SNAPC4: variants seen among roughly 807,000 people sequenced by gnomAD.
SNAPC4 encodes the protein snRNA-activating protein complex subunit 4.
In SNAPC4, 127 loss-of-function variants were observed where a neutral mutation model predicts 151.3. That is an observed-to-expected ratio of 0.84 (90% CI 0.73 to 0.97). The LOEUF is 0.97. Among genes scored for constraint, SNAPC4 ranks in the 50% least tolerant of loss-of-function variants. The pLI, the probability that SNAPC4 is intolerant of heterozygous loss-of-function variation, is 0.00. For synonymous variants in SNAPC4, 1,002 were observed against 824.4 expected, an observed-to-expected ratio of 1.22 and a Z score of -3.69; for missense variants, 2,186 against 1,935.0, an observed-to-expected ratio of 1.13 and a Z score of -2.43.
intron 18 of SNAPC4, among the ~76,000 whole-genome samples, 182 bp from the exon 19 acceptor site, chr9:136,381,574 G>A (rs1833693951): frequency 6.6e-6 from 1 of 152,202 alleles, no homozygotes; most frequent in South Asian, 2.1e-4. Context: ...TGGGCCCTGT[G>A]AGCCCTGTCA....
intron 2 of SNAPC4, 144 bp from the exon 3 acceptor site, chr9:136,397,167 C>T: frequency 1.3e-6 from 1 of 750,652 alleles, no homozygotes; most frequent in South Asian, 1.5e-5. Flanking sequence ...AGCGGACCTT[C>T]CCTCCCTGAC....
Position 136,379,209 on chromosome 9 carries a change from C to T in SNAPC4, c.2618G>A (p.Arg873His), listed in dbSNP as rs200250930. 32 of 1,610,540 alleles carry T rather than the reference C, an allele frequency of 2.0e-5. No homozygotes were observed. The highest frequency in any genetic ancestry group is 2.2e-5 in the East Asian group (1 of 44,818). The change falls in exon 22 of 24, where the codon CGC becomes CAC. Residue 873 changes from arginine to histidine, a missense_variant. By Grantham distance (29) the Arg-to-His change is conservative. Coordinates refer to ENST00000684778, the MANE Select transcript of SNAPC4 (RefSeq NM_003086.4). ...CAGCAGGGACGCCTGGGGTAGGGTG[C>T]GCTCCACCCGGCTGGACGCCAGTCT... ...SRRLASSRVE[R>H]TLPQASLLAS...
At chr9:136,381,803 C>G in intron 18 of SNAPC4, 21 bp downstream of exon 18, 2 of 1,604,594 alleles carry the variant, frequency 1.2e-6, no homozygotes, top group Non-Finnish European at 1.7e-6. Context: ...AGGATGCTCC[C>G]AGAGGAGCCC....
At chr9:136,382,833 C>T (rs1367108478) in intron 16 of SNAPC4, among the ~76,000 whole-genome samples, 1 of 152,170 alleles carries the variant, frequency 6.6e-6, no homozygotes, top group Non-Finnish European at 1.5e-5. Context: ...GGTGGACAGG[C>T]CCTTCCCAGG....
chr9:136,383,688 A>C lies in SNAPC4; in HGVS notation c.1501-20T>G. On this transcript the variant is annotated intron_variant, in intron 15 of 23. Coordinates refer to ENST00000684778, the MANE Select transcript of SNAPC4 (RefSeq NM_003086.4). This position sits in a 1 kb window ranked among gnomAD's most constrained non-coding sequence, Gnocchi z 4.2. ...CTTCTTCTGAGGGGAGGAAAGAGCT[A>C]CTTAGAGGCCTTGGCAAGCCCGGTT... 6.3e-7 allele frequency: 1 copy of C among 1,582,818 alleles called. No homozygotes were observed.
At chr9:136,388,682 A>G in intron 10 of SNAPC4, 91 bp from the exon 11 acceptor site, 2 of 1,509,804 alleles carry the variant, frequency 1.3e-6, no homozygotes, top group Non-Finnish European at 9.1e-7. Context: ...AGGTGGGCCC[A>G]TGAGCCACTG....
Position 136,388,598 on chromosome 9 carries a change from A to G in SNAPC4, c.976-7T>C, listed in dbSNP as rs1452392087. ...GGAAGGCGCTGCGGCTGGTCTTCCCAGGCCCAAACAAAAGCAAATGAGTGT... is the reference window on the plus strand; with the variant it reads ...GGAAGGCGCTGCGGCTGGTCTTCCCGGGCCCAAACAAAAGCAAATGAGTGT... On this transcript the variant is annotated splice_polypyrimidine_tract_variant and splice_region_variant and intron_variant, in intron 10 of 23. Coordinates refer to ENST00000684778, the MANE Select transcript of SNAPC4 (RefSeq NM_003086.4). The G allele has an allele frequency of 4.3e-6, 7 of 1,613,858 alleles. No individual in the cohort carries two copies. The highest frequency in any genetic ancestry group is 5.9e-6 in the Non-Finnish European group (7 of 1,179,988).
intron 22 of SNAPC4, 93 bp downstream of exon 22, chr9:136,377,450 T>C (rs1833489576): frequency 1.4e-6 from 2 of 1,422,250 alleles, no homozygotes; most frequent in Admixed American, 2.6e-5. Flanking sequence ...GCCCGCAACT[T>C]CCACCAGCCC....
chr9:136,377,153 C>T (rs1833476528), intron 22 of SNAPC4, among the ~76,000 whole-genome samples: 1 of 152,218 alleles, frequency 6.6e-6, no homozygotes, highest in South Asian at 2.1e-4. Context: ...GAGACAAACA[C>T]AGCCACCACC....
chr9:136,381,818 C>A lies in SNAPC4; in HGVS notation c.2317+6G>T. ...AGGATGCTCCCAGAGGAGCCCCAGGCCATACCTTGAGTCTGCACTACGGCG... is the reference window on the plus strand; with the variant it reads ...AGGATGCTCCCAGAGGAGCCCCAGGACATACCTTGAGTCTGCACTACGGCG... On this transcript the variant is annotated splice_donor_region_variant and intron_variant, in intron 18 of 23. Transcript: ENST00000684778. 1.2e-6 allele frequency: 2 copies of A among 1,610,066 alleles called. No individual in the cohort carries two copies. The highest frequency in any genetic ancestry group is 1.3e-5 in the African/African-American group (1 of 75,022).
intron 10 of SNAPC4, among the ~76,000 whole-genome samples, chr9:136,389,361 G>A (rs1157646529): frequency 6.6e-6 from 1 of 152,012 alleles, no homozygotes; most frequent in Non-Finnish European, 1.5e-5. Flanking sequence ...GGGGCTGGAC[G>A]TGCTGTGAGG....
Position 136,378,562 on chromosome 9 carries a change from GA to G in SNAPC4, c.3264del (p.Pro1089LeufsTer6), listed in dbSNP as rs1564377407. 1 of 1,591,680 alleles carries G rather than the reference GA, an allele frequency of 6.3e-7. No individual in the cohort carries two copies. The highest frequency in any genetic ancestry group is 8.5e-7 in the Non-Finnish European group (1 of 1,172,832). ...GGAAGGCTCACCACAGCTGGTACAG[GA>G]ACAGGGAGAAGCCCCTGGGCTGTGA... ...WVLTAQGLLP[V>X]PVPAVVSLPR... On this transcript the variant is annotated frameshift_variant, in exon 22 of 24. Transcript: ENST00000684778. LOFTEE classifies it high-confidence loss of function.
rs1020903960 is a variant in SNAPC4, at chr9:136,383,632, G to A, written c.1537C>T (p.Arg513Cys). ...GTAGAGCTCCACCGGACGCTGTGACGGGCCCTCCGCCGCCGCCTCCGGAGA... is the reference window on the plus strand; with the variant it reads ...GTAGAGCTCCACCGGACGCTGTGACAGGCCCTCCGCCGCCGCCTCCGGAGA... ...QGLRRRRRRA[R>C]HSVRWSSTSS... The change falls in exon 16 of 24, where the codon CGT becomes TGT. Residue 513 changes from arginine (R) to cysteine (C), a missense_variant. Arg to Cys is a radical substitution (Grantham distance 180, BLOSUM62 -3). Transcript: ENST00000684778. The surrounding 1 kb of genome is among the most constrained non-coding windows in gnomAD (Gnocchi z 4.2). The A allele has an allele frequency of 1.4e-5, 23 of 1,610,300 alleles. No individual in the cohort carries two copies. The highest frequency in any genetic ancestry group is 1.6e-4 in the Middle Eastern group (1 of 6,070).
chr9:136,395,691 C>A lies in SNAPC4; in HGVS notation c.257G>T (p.Cys86Phe). The A allele has an allele frequency of 2.5e-6, 4 of 1,613,460 alleles. No individual in the cohort carries two copies. The highest frequency in any genetic ancestry group is 3.4e-6 in the Non-Finnish European group (4 of 1,179,984). Residue 86 changes from cysteine to phenylalanine, a missense_variant, in exon 4 of 24, where the codon TGC (cysteine) becomes TTC (phenylalanine). Transcript: ENST00000684778. ...DKTLPEDPETCLQLNMVYQEV... is the reference protein window; with the variant it reads ...DKTLPEDPETFLQLNMVYQEV... The stretch of plus-strand genomic sequence containing the variant: ...CTGGTAGACCATGTTCAGCTGCAGG[C>A]AGGTTTCTGGGTCTTCAGGGAGGGT...
Position 136,379,040 on chromosome 9 carries a change from G to A in SNAPC4, c.2787C>T (p.Leu929=), listed in dbSNP as rs1328782868. ...SQLLVSSSVI[L]QPPLPHTPHG... ...GTGGGGTGTGTGGTAGAGGGGGCTG[G>A]AGGATCACAGACGAGGAGACCAGCA... Residue 929 remains leucine (L), a synonymous_variant, in exon 22 of 24, where the codon CTC becomes CTT. Transcript: ENST00000684778. 1.9e-6 allele frequency: 3 copies of A among 1,595,878 alleles called. No individual in the cohort carries two copies. Among genetic ancestry groups the A allele is most frequent in the South Asian group, 2.3e-5 (2 of 88,386 alleles).
chr9:136,379,548 G>C (rs549181942), intron 21 of SNAPC4, among the ~76,000 whole-genome samples: 1 of 152,220 alleles, frequency 6.6e-6, no homozygotes, highest in Non-Finnish European at 1.5e-5. Context: ...GAGATCAGCC[G>C]GCAGCCCAGC....
intron 1 of SNAPC4, among the ~76,000 whole-genome samples, 185 bp downstream of exon 1, chr9:136,399,949 T>A (rs1481571713): frequency 1.3e-5 from 2 of 151,854 alleles, no homozygotes; most frequent in Non-Finnish European, 2.9e-5. Context: ...AGGGCCAGAA[T>A]CCCCGCGCGC....
chr9:136,379,918 AC>A, intron 20 of SNAPC4, 54 bp from the exon 21 acceptor site: 1 of 1,568,828 alleles, frequency 6.4e-7, no homozygotes, highest in Non-Finnish European at 8.7e-7. Flanking sequence ...GCTGGCTTGG[AC>A]CACCTCTCCT....
chr9:136,380,950 C>A, intron 19 of SNAPC4, 100 bp from the exon 20 acceptor site: 4 of 700,574 alleles, frequency 5.7e-6, no homozygotes, highest in Middle Eastern at 2.5e-4. Flanking sequence ...GAGGCTGGGG[C>A]GGCTACCTTG....
Sources: allele counts gnomAD v4.1 joint callset (sites outside exome capture counted in the v4.1 genomes callset), GRCh38; gene constraint gnomAD v4.1.1; non-coding constraint Gnocchi (gnomAD v3.1); transcripts MANE v1.5; gene names NCBI Gene and HGNC (gene_info 2026-07-23, HGNC 2026-07-21).